ASPA: variants seen among roughly 807,000 people sequenced by gnomAD.
ASPA encodes ACY-2.
A neutral mutation model predicts 29.6 loss-of-function variants in ASPA; 25 were observed. That is an observed-to-expected ratio of 0.85 (90% CI 0.62 to 1.18). The LOEUF is 1.18. Ranked by LOEUF, ASPA falls within the 50% of genes most tolerant of loss-of-function variation. The pLI is 0.00. For synonymous variants in ASPA, 131 were observed against 130.3 expected, an observed-to-expected ratio of 1.01 and a Z score of -0.04; for missense variants, 333 against 385.7, an observed-to-expected ratio of 0.86 and a Z score of 1.14.
chr17:3,478,902 A>G (rs2073579769), intron 1 of ASPA, among the ~76,000 whole-genome samples: 1 of 151,986 alleles, frequency 6.6e-6, no homozygotes, highest in Non-Finnish European at 1.5e-5. Context: ...AAGTCCTCCC[A>G]ATTATTCCTT....
At position 3,483,687 on chromosome 17, in the gene ASPA, G is replaced by C; in HGVS notation, c.526+95G>C. The C allele has an allele frequency of 3.2e-6, 4 of 1,258,564 alleles. No individual in the cohort carries two copies. The South Asian group carries it at 4.9e-5, about 16-fold the overall frequency. The allele number at this position is 1,258,564 out of a possible 1,614,324, so 78.0% of individuals were successfully genotyped here. On this transcript the variant is annotated intron_variant, in intron 3 of 5. Transcript: ENST00000263080. The stretch of plus-strand genomic sequence containing the variant: ...TTTATCTTATTTTATTTTTGAGACA[G>C]AGTCTTGCTCTGTCACCCAGGCTGG...
At chr17:3,476,732 A>G (rs2073529585) in intron 1 of ASPA, among the ~76,000 whole-genome samples, 1 of 152,224 alleles carries the variant, frequency 6.6e-6, no homozygotes, top group African/African-American at 2.4e-5. Context: ...GCATTGAGTT[A>G]GTGTTTGGCC....
In ASPA at chr17:3,497,708, T is replaced by C. The variant is rs72825811; in HGVS notation, c.745-1183T>C. 2.6e-3 allele frequency among the ~76,000 whole-genome samples: 403 copies of C among 152,248 alleles called. 3 individuals are homozygous for C. Among genetic ancestry groups the C allele is most frequent in the Non-Finnish European group, 2.0e-3 (139 of 68,022 alleles). On this transcript the variant is annotated intron_variant, in intron 5 of 5. Transcript: ENST00000263080. ...TTCCCAAACACTAATGTCGTGCACG[T>C]GAACGTCAAGGACCTGTTAACATGA...
intron 5 of ASPA, 35 bp from the exon 6 acceptor site, chr17:3,498,856 A>G (rs2073952642): frequency 1.4e-6 from 2 of 1,464,218 alleles, no homozygotes; most frequent in Admixed American, 5.3e-5. Context: ...AGAAAAACCA[A>G]ATATAATATA....
intron 3 of ASPA, 90 bp downstream of exon 3, chr17:3,483,682 A>T: frequency 7.7e-7 from 1 of 1,298,018 alleles, no homozygotes; most frequent in Non-Finnish European, 1.1e-6. Flanking sequence ...TTTATTTTTG[A>T]GACAGAGTCT....
In ASPA at chr17:3,501,623, C is replaced by T; in HGVS notation, c.*2535C>T. The T allele has an allele frequency of 6.0e-6, 1 of 166,556 alleles. No homozygotes were observed. Among genetic ancestry groups the T allele is most frequent in the South Asian group, 1.7e-4 (1 of 5,738 alleles). 10.3% of individuals were successfully genotyped at this position (166,556 alleles called of 1,614,324 possible). Reference sequence around the variant, plus strand: ...TATTACGTAAACATAGTTGATAAAGCAGCAGCAGGGTTTAAGAGGATTGAC... The same window carrying T: ...TATTACGTAAACATAGTTGATAAAGTAGCAGCAGGGTTTAAGAGGATTGAC... On this transcript the variant is annotated 3_prime_UTR_variant, in exon 6 of 6. Transcript: ENST00000263080.
chr17:3,479,786 T>C (rs1027436521), intron 1 of ASPA, among the ~76,000 whole-genome samples: 2 of 152,156 alleles, frequency 1.3e-5, no homozygotes, highest in Non-Finnish European at 2.9e-5. Flanking sequence ...TTGTACACAG[T>C]AGGTCCCTTG....
intron 5 of ASPA, among the ~76,000 whole-genome samples, chr17:3,495,926 T>C (rs3786009): frequency 0.12 from 18,670 of 152,104 alleles, 2,275 homozygotes; most frequent in East Asian, 0.65. Flanking sequence ...AAAGCACTAT[T>C]GGTGACAAAA....
In ASPA at chr17:3,488,892, A is replaced by T. The variant is rs2073772852; in HGVS notation, c.527-343A>T. Among the ~76,000 whole-genome samples the T allele has an allele frequency of 6.6e-6, 1 of 151,944 alleles. No individual in the cohort carries two copies. On this transcript the variant is annotated intron_variant, in intron 3 of 5. Transcript: ENST00000263080. This position sits in a 1 kb window ranked among gnomAD's most constrained non-coding sequence, Gnocchi z 6.1. Reference sequence around the variant, plus strand: ...GTCCACCTATTATTTTGTCAGCATAAACTTGTTCACCTTTTTTACTATGTT... The same window carrying T: ...GTCCACCTATTATTTTGTCAGCATATACTTGTTCACCTTTTTTACTATGTT...
chr17:3,499,972 C>T lies in ASPA; in HGVS notation c.*884C>T, dbSNP rs2073970605. On this transcript the variant is annotated 3_prime_UTR_variant, in exon 6 of 6. Transcript: ENST00000263080. ...ATCTTGAAGAAAATTAAAAATTCTA[C>T]TCCAGTGCACACACACAAATGATAA... 1 of 152,198 alleles carries T rather than the reference C, an allele frequency of 6.6e-6. No individual in the cohort carries two copies. Among genetic ancestry groups the T allele is most frequent in the Admixed American group, 6.5e-5 (1 of 15,274 alleles). 9.4% of individuals were successfully genotyped at this position (152,198 alleles called of 1,614,324 possible).
rs533308363 is a variant in ASPA at position 3,485,482 on chromosome 17, C to T, written c.526+1890C>T. Reference sequence around the variant, plus strand: ...GAGCCGAGATCATGCCATTGCACTCCAGCCGGGGCAACAAAAGTGAAACTC... The same window carrying T: ...GAGCCGAGATCATGCCATTGCACTCTAGCCGGGGCAACAAAAGTGAAACTC... On this transcript the variant is annotated intron_variant, in intron 3 of 5. Transcript: ENST00000263080. The surrounding 1 kb of genome is among the most constrained non-coding windows in gnomAD (Gnocchi z 4.4). 3.3e-5 allele frequency among the ~76,000 whole-genome samples: 5 copies of T among 152,308 alleles called. No individual in the cohort carries two copies. Among genetic ancestry groups the T allele is most frequent in the Admixed American group, 3.3e-4 (5 of 15,300 alleles).
At chr17:3,493,118 C>T (rs890940727) in intron 4 of ASPA, among the ~76,000 whole-genome samples, 2 of 152,138 alleles carry the variant, frequency 1.3e-5, no homozygotes, top group East Asian at 1.9e-4. Context: ...TCAGAGATAG[C>T]CTGGTATATG....
intron 5 of ASPA, among the ~76,000 whole-genome samples, chr17:3,495,224 C>G (rs2073890168): frequency 6.6e-6 from 1 of 152,152 alleles, no homozygotes; most frequent in African/African-American, 2.4e-5. Flanking sequence ...ACTCCCAGAC[C>G]TCAGAGATGG....
At position 3,493,809 on chromosome 17, in the gene ASPA, T is replaced by C. The variant is rs181660598; in HGVS notation, c.635-541T>C. Among the ~76,000 whole-genome samples, 210 of 152,240 alleles carry C rather than the reference T, an allele frequency of 1.4e-3. 1 individual carries two copies. The highest frequency in any genetic ancestry group is 2.6e-3 in the Non-Finnish European group (175 of 68,008). The stretch of plus-strand genomic sequence containing the variant: ...TCTCCTGACCCCTAAACCTAGATTC[T>C]TTTTCTCTCAAACTGGCTTTTTCAG... On this transcript the variant is annotated intron_variant, in intron 4 of 5. Transcript: ENST00000263080.
At chr17:3,491,150 G>A (rs1452757572) in intron 4 of ASPA, among the ~76,000 whole-genome samples, 4 of 152,184 alleles carry the variant, frequency 2.6e-5, no homozygotes, top group Non-Finnish European at 5.9e-5. Context: ...TAAGTGACAG[G>A]TCTCAGGAAG....
In ASPA at chr17:3,484,534, GA is replaced by G. The variant is rs371529494; in HGVS notation, c.526+949del. Among the ~76,000 whole-genome samples, 496 of 152,106 alleles carry G rather than the reference GA, an allele frequency of 3.3e-3. 5 individuals carry two copies. Among genetic ancestry groups the G allele is most frequent in the Middle Eastern group, 0.017 (5 of 294 alleles). On this transcript the variant is annotated intron_variant, in intron 3 of 5. Coordinates refer to ENST00000263080, the MANE Select transcript of ASPA (RefSeq NM_000049.4). ...TGTGTATGTGTTTGGGGGAGGAAAG[GA>G]AAAAAATTGAGAGCAGTCAACAGGA...
chr17:3,483,495 T>C lies in ASPA; in HGVS notation c.433-4T>C, dbSNP rs2073668886. ...CTAAGAAAGACGTTTTTGATTTTTT[T>C]CAGACTTCTCTGGCTCCACTACCCT... On this transcript the variant is annotated splice_region_variant and splice_polypyrimidine_tract_variant and intron_variant, in intron 2 of 5. Transcript: ENST00000263080. The C allele has an allele frequency of 6.2e-7, 1 of 1,613,754 alleles. No homozygotes were observed. Among genetic ancestry groups the C allele is most frequent in the South Asian group, 1.1e-5 (1 of 91,064 alleles).
At chr17:3,479,628 C>T (rs893379826) in intron 1 of ASPA, among the ~76,000 whole-genome samples, 5 of 152,048 alleles carry the variant, frequency 3.3e-5, no homozygotes, top group African/African-American at 1.2e-4. Flanking sequence ...GCCCTTTCCA[C>T]CTTCCCCCTG....
At chr17:3,495,092 G>GA (rs3215041) in intron 5 of ASPA, among the ~76,000 whole-genome samples, 88 of 145,888 alleles carry the variant, frequency 6.0e-4, no homozygotes, top group Admixed American at 3.3e-3. Flanking sequence ...AGTGAAGAAG[G>GA]AAAAAAAAAA....
Sources: gnomAD v4.1 joint callset for allele counts (sites outside exome capture counted in the v4.1 genomes callset) on GRCh38, gnomAD v4.1.1 for gene constraint, Gnocchi (gnomAD v3.1) non-coding constraint, MANE v1.5 for transcripts, NCBI Gene and HGNC (gene_info 2026-07-23, HGNC 2026-07-21) for gene names.